OTOP2: variants seen among roughly 807,000 people sequenced by gnomAD.
The protein encoded by OTOP2 is otopetrin 2.
A neutral mutation model predicts 47.4 loss-of-function variants in OTOP2; 41 were observed. That is an observed-to-expected ratio of 0.87 (90% CI 0.67 to 1.12). The LOEUF is 1.12. OTOP2 is among the 50% of genes most tolerant of loss of function. The pLI, the probability that OTOP2 is intolerant of heterozygous loss-of-function variation, is 0.00. For missense variants in OTOP2, 721 were observed against 752.2 expected (o/e 0.96, Z 0.49); for synonymous variants, 328 against 319.6 (o/e 1.03, Z -0.28).
chr17:74,930,204 A>C lies in OTOP2; in HGVS notation c.644-75A>C. 1 of 1,457,728 alleles carries C rather than the reference A, an allele frequency of 6.9e-7. No homozygotes were observed. The highest frequency in any genetic ancestry group is 2.3e-5 in the Admixed American group (1 of 44,114). 90.3% of individuals were successfully genotyped at this position (1,457,728 alleles called of 1,614,324 possible). ...GTCTCAAAACAAAACAAAAAAAAAA[A>C]GGTCACAGGCTAGGGGTGAGACCTC... On this transcript the variant is annotated intron_variant, in intron 5 of 6. Coordinates refer to ENST00000331427, the MANE Select transcript of OTOP2 (RefSeq NM_178160.3). This position sits in a 1 kb window ranked among gnomAD's most constrained non-coding sequence, Gnocchi z 4.0.
chr17:74,925,540 C>G lies in OTOP2; in HGVS notation c.314-16C>G. On this transcript the variant is annotated splice_polypyrimidine_tract_variant and intron_variant, in intron 2 of 6. Coordinates refer to ENST00000331427, the MANE Select transcript of OTOP2 (RefSeq NM_178160.3). ...CTTTGATCCACCACCACCACCCACC[C>G]ACCCCTGGTTTCCAGGTGGGCTGGT... The G allele has an allele frequency of 6.2e-7, 1 of 1,612,676 alleles. No homozygotes were observed. Among genetic ancestry groups the G allele is most frequent in the Non-Finnish European group, 8.5e-7 (1 of 1,179,086 alleles).
At position 74,924,685 on chromosome 17, in the gene OTOP2, C is replaced by T; in HGVS notation, c.53C>T (p.Ala18Val). The change falls in exon 2 of 7, where the codon GCG becomes GTG. Residue 18 changes from alanine (A) to valine (V), a missense_variant. Ala to Val is a moderately conservative substitution (Grantham distance 64, BLOSUM62 0). Transcript: ENST00000331427. The surrounding 1 kb of genome is among the most constrained non-coding windows in gnomAD (Gnocchi z 7.7). The part of the protein sequence containing the change: ...GPKESPPAPR[A>V]GPREVWKKGG... Reference sequence around the variant, plus strand: ...AAGGAGAGCCCCCCGGCGCCGCGTGCGGGCCCCAGGGAGGTGTGGAAGAAG... The same window carrying T: ...AAGGAGAGCCCCCCGGCGCCGCGTGTGGGCCCCAGGGAGGTGTGGAAGAAG... The T allele has an allele frequency of 2.5e-6, 4 of 1,597,606 alleles. No homozygotes were observed. Among genetic ancestry groups the T allele is most frequent in the Admixed American group, 1.7e-5 (1 of 58,366 alleles).
Position 74,930,665 on chromosome 17 carries a change from C to T in OTOP2, c.1030C>T (p.Leu344=). Residue 344 remains leucine, a synonymous_variant, in exon 6 of 7, where the codon CTG becomes TTG. Coordinates refer to ENST00000331427, the MANE Select transcript of OTOP2 (RefSeq NM_178160.3). This position sits in a 1 kb window ranked among gnomAD's most constrained non-coding sequence, Gnocchi z 4.0. The stretch of plus-strand genomic sequence containing the variant: ...CTTGGGACTCACCACCTTGGTCAGC[C>T]TGAGCGGCTCCATCATCTACCGTTT... ...VCLGLTTLVS[L]SGSIIYRFDR... is the part of the protein sequence containing the mutation. 1 of 1,614,092 alleles carries T rather than the reference C, an allele frequency of 6.2e-7. No individual in the cohort carries two copies. Among genetic ancestry groups the T allele is most frequent in the Non-Finnish European group, 8.5e-7 (1 of 1,180,028 alleles).
Position 74,933,571 on chromosome 17 carries a change from A to G in OTOP2, c.*26A>G. ...GGCCTCCAACAGAGGCATGGGGGGC[A>G]GGAAGAGGGGGCTCAGCTCATGTGC... On this transcript the variant is annotated 3_prime_UTR_variant, in exon 7 of 7. Coordinates refer to ENST00000331427, the MANE Select transcript of OTOP2 (RefSeq NM_178160.3). The surrounding 1 kb of genome is among the most constrained non-coding windows in gnomAD (Gnocchi z 4.7). The G allele has an allele frequency of 6.4e-7, 1 of 1,555,666 alleles. No homozygotes were observed. The highest frequency in any genetic ancestry group is 8.8e-7 in the Non-Finnish European group (1 of 1,139,178).
rs34788249 is a variant in OTOP2, at chr17:74,933,465, G to C, written c.1609G>C (p.Val537Leu). ...FYGYSLWAVIVNICLPFGIFY... is the reference protein window; with the variant it reads ...FYGYSLWAVILNICLPFGIFY... ...CGGCTACTCCCTCTGGGCGGTCATC[G>C]TCAACATCTGCCTCCCTTTCGGCAT... Residue 537 changes from valine to leucine, a missense_variant, in exon 7 of 7, where the codon GTC (valine) becomes CTC (leucine). Transcript: ENST00000331427. The surrounding 1 kb of genome is among the most constrained non-coding windows in gnomAD (Gnocchi z 4.7). 14 of 1,614,162 alleles carry C rather than the reference G, an allele frequency of 8.7e-6. No homozygotes were observed. The highest frequency in any genetic ancestry group is 1.6e-4 in the Middle Eastern group (1 of 6,062).
chr17:74,927,993 C>G (rs2039025181), intron 5 of OTOP2, 195 bp downstream of exon 5: 4 of 718,116 alleles, frequency 5.6e-6, no homozygotes, highest in Non-Finnish European at 8.7e-6. Flanking sequence ...TCAGGGGTAC[C>G]CTTTTATCCT....
In OTOP2 at chr17:74,925,698, TG is replaced by T; in HGVS notation, c.450+8del. ...CTGTGTTTGTCATCATCCAGGTGGG[TG>T]GAGGAGTGTCGCTGTGTGGAAGAAA... On this transcript the variant is annotated splice_region_variant and intron_variant, in intron 3 of 6. Coordinates refer to ENST00000331427, the MANE Select transcript of OTOP2 (RefSeq NM_178160.3). The T allele has an allele frequency of 6.2e-7, 1 of 1,614,010 alleles. No individual in the cohort carries two copies. Among genetic ancestry groups the T allele is most frequent in the Non-Finnish European group, 8.5e-7 (1 of 1,179,952 alleles).
At chr17:74,925,758 C>T in intron 3 of OTOP2, 66 bp downstream of exon 3, 3 of 1,601,204 alleles carry the variant, frequency 1.9e-6, no homozygotes, top group Admixed American at 3.4e-5. Flanking sequence ...AAGGACCCAA[C>T]AAGGGGTCGG....
chr17:74,925,731 A>T (rs1002618821), intron 3 of OTOP2, 39 bp downstream of exon 3: 1 of 1,612,196 alleles, frequency 6.2e-7, no homozygotes, highest in Non-Finnish European at 8.5e-7. Context: ...GAAAGGAGCT[A>T]ACACTTGGCC....
In OTOP2 at chr17:74,924,328, A is replaced by G; in HGVS notation, c.-39A>G. 2.6e-6 allele frequency: 1 copy of G among 382,216 alleles called. No homozygotes were observed. Among genetic ancestry groups the G allele is most frequent in the African/African-American group, 2.1e-5 (1 of 48,136 alleles). The allele number at this position is 382,216 out of a possible 1,614,324, so 23.7% of individuals were successfully genotyped here. A position where few individuals can be genotyped will look rare whatever the true frequency, so the allele number is the denominator to read the frequency against. ...CCAGCTCAGCGCCGGCTCCAAGCCC[A>G]GCCAGGTGGGTGCCCCGGGCCGGAG... On this transcript the variant is annotated 5_prime_UTR_variant, in exon 1 of 7. Coordinates refer to ENST00000331427, the MANE Select transcript of OTOP2 (RefSeq NM_178160.3). The surrounding 1 kb of genome is among the most constrained non-coding windows in gnomAD (Gnocchi z 7.7).
Position 74,933,421 on chromosome 17 carries a change from C to T in OTOP2, c.1565C>T (p.Thr522Ile). The T allele has an allele frequency of 5.0e-6, 8 of 1,614,060 alleles. No individual in the cohort carries two copies. The highest frequency in any genetic ancestry group is 6.8e-6 in the Non-Finnish European group (8 of 1,179,902). ...GGGGCCCGCCCTCATTTCAGCAACA[C>T]AGTGGAGGTGGATTTCTACGGCTAC... ...AFGARPHFSNTVEVDFYGYSL... is the reference protein window; with the variant it reads ...AFGARPHFSNIVEVDFYGYSL... Residue 522 changes from threonine (T) to isoleucine (I), a missense_variant, in exon 7 of 7, where the codon ACA becomes ATA. Coordinates refer to ENST00000331427, the MANE Select transcript of OTOP2 (RefSeq NM_178160.3). The surrounding 1 kb of genome is among the most constrained non-coding windows in gnomAD (Gnocchi z 4.7).
chr17:74,925,545 C>A lies in OTOP2; in HGVS notation c.314-11C>A, dbSNP rs747441549. The A allele has an allele frequency of 6.2e-7, 1 of 1,613,310 alleles. No individual in the cohort carries two copies. The highest frequency in any genetic ancestry group is 8.5e-7 in the Non-Finnish European group (1 of 1,179,480). Reference sequence around the variant, plus strand: ...ATCCACCACCACCACCCACCCACCCCTGGTTTCCAGGTGGGCTGGTGCTGT... The same window carrying A: ...ATCCACCACCACCACCCACCCACCCATGGTTTCCAGGTGGGCTGGTGCTGT... On this transcript the variant is annotated splice_polypyrimidine_tract_variant and intron_variant, in intron 2 of 6. Coordinates refer to ENST00000331427, the MANE Select transcript of OTOP2 (RefSeq NM_178160.3).
In OTOP2 at chr17:74,933,534, G is replaced by A. The variant is rs373828761; in HGVS notation, c.1678G>A (p.Val560Met). 6.2e-6 allele frequency: 10 copies of A among 1,610,744 alleles called. No individual in the cohort carries two copies. Among genetic ancestry groups the A allele is most frequent in the African/African-American group, 5.3e-5 (4 of 74,896 alleles). The change falls in exon 7 of 7, where the codon GTG becomes ATG. Residue 560 changes from valine to methionine, a missense_variant. By Grantham distance (21) the Val-to-Met change is conservative. Coordinates refer to ENST00000331427, the MANE Select transcript of OTOP2 (RefSeq NM_178160.3). This position sits in a 1 kb window ranked among gnomAD's most constrained non-coding sequence, Gnocchi z 4.7. ...HAVSSLLEVY[V>M]LS ...TGTGTCCAGCCTGCTGGAGGTCTAC[G>A]TGCTGTCCTGAGGCCTCCAACAGAG...
chr17:74,925,332 C>T (rs143795910), intron 2 of OTOP2, among the ~76,000 whole-genome samples: 68 of 152,200 alleles, frequency 4.5e-4, no homozygotes, highest in African/African-American at 1.5e-3. Context: ...TCCACCCACT[C>T]AGTCATACAC....
chr17:74,924,519 T>C lies in OTOP2; in HGVS notation c.-33-81T>C. ...CCAACCCTGCGGGTCAGGAACTCCC[T>C]AGTCCCCAAGTCTAGGGATGAGATG... On this transcript the variant is annotated intron_variant, in intron 1 of 6. Coordinates refer to ENST00000331427, the MANE Select transcript of OTOP2 (RefSeq NM_178160.3). This position sits in a 1 kb window ranked among gnomAD's most constrained non-coding sequence, Gnocchi z 7.7. 1 of 1,289,388 alleles carries C rather than the reference T, an allele frequency of 7.8e-7. No homozygotes were observed. The highest frequency in any genetic ancestry group is 1.0e-6 in the Non-Finnish European group (1 of 967,934). 79.9% of individuals were successfully genotyped at this position (1,289,388 alleles called of 1,614,324 possible). A position where few individuals can be genotyped will look rare whatever the true frequency, so the allele number is the denominator to read the frequency against.
At chr17:74,932,073 TG>T (rs2039064972) in intron 6 of OTOP2, among the ~76,000 whole-genome samples, 1 of 151,834 alleles carries the variant, frequency 6.6e-6, no homozygotes, top group Admixed American at 6.6e-5. Context: ...AAAACACTCC[TG>T]GTGTTTCTAG....
In OTOP2 at chr17:74,924,566, T is replaced by C. The variant is rs974159482; in HGVS notation, c.-33-34T>C. 2.8e-6 allele frequency: 4 copies of C among 1,438,746 alleles called. No homozygotes were observed. In the African/African-American group the frequency reaches 4.3e-5, roughly 15 times the overall value. The allele number at this position is 1,438,746 out of a possible 1,614,324, so 89.1% of individuals were successfully genotyped here. A position where few individuals can be genotyped will look rare whatever the true frequency, so the allele number is the denominator to read the frequency against. ...GATGGGGGAAGGAGAGCCGTCAGGG[T>C]TGACCTGGAGTTTTGTCCGCTCCTC... On this transcript the variant is annotated intron_variant, in intron 1 of 6. Coordinates refer to ENST00000331427, the MANE Select transcript of OTOP2 (RefSeq NM_178160.3). This position sits in a 1 kb window ranked among gnomAD's most constrained non-coding sequence, Gnocchi z 7.7.
Position 74,927,799 on chromosome 17 carries a change from G to A in OTOP2, c.643+1G>A, listed in dbSNP as rs768662477. ...AGCCACGCCCGTCTCATCTCTGACC[G>A]TGAGTTTCCTCTTAATGCTGGCCCT... is the stretch of plus-strand genomic sequence containing the variant. On this transcript the variant is annotated splice_donor_variant, in intron 5 of 6. Transcript: ENST00000331427. LOFTEE classifies it high-confidence loss of function. 12 of 1,613,352 alleles carry A rather than the reference G, an allele frequency of 7.4e-6. No individual in the cohort carries two copies. Among genetic ancestry groups the A allele is most frequent in the Middle Eastern group, 1.7e-4 (1 of 6,060 alleles).
In OTOP2 at chr17:74,933,429, G is replaced by C; in HGVS notation, c.1573G>C (p.Val525Leu). 2 of 1,614,156 alleles carry C rather than the reference G, an allele frequency of 1.2e-6. No individual in the cohort carries two copies. The highest frequency in any genetic ancestry group is 1.7e-6 in the Non-Finnish European group (2 of 1,179,980). Residue 525 changes from valine to leucine, a missense_variant, in exon 7 of 7, where the codon GTG becomes CTG. Physicochemically the swap from Val to Leu is conservative, Grantham distance 32 (BLOSUM62 1). Transcript: ENST00000331427. This position sits in a 1 kb window ranked among gnomAD's most constrained non-coding sequence, Gnocchi z 4.7. ...CCCTCATTTCAGCAACACAGTGGAG[G>C]TGGATTTCTACGGCTACTCCCTCTG... ...ARPHFSNTVE[V>L]DFYGYSLWAV...
Sources: allele counts gnomAD v4.1 joint callset (sites outside exome capture counted in the v4.1 genomes callset), GRCh38; gene constraint gnomAD v4.1.1; non-coding constraint Gnocchi (gnomAD v3.1); transcripts MANE v1.5; gene names NCBI Gene and HGNC (gene_info 2026-07-23, HGNC 2026-07-21).